The following ATP9B variants were observed in gnomAD, a reference collection of about 807,000 sequenced individuals.
ATP9B encodes the protein ATPase phospholipid transporting 9B, also known as probable phospholipid-transporting ATPase IIB.
Under a neutral mutation model 146.1 loss-of-function variants are expected in ATP9B, and 110 were observed. The observed-to-expected ratio is 0.75, with a 90% CI of 0.65 to 0.88. The LOEUF (loss-of-function observed/expected upper bound fraction) is 0.88. ATP9B is among the 40% of genes least tolerant of loss of function. The pLI is 0.00. For missense variants in ATP9B, 1,499 were observed against 1,496.4 expected, an observed-to-expected ratio of 1.00 and a Z score of -0.03; for synonymous variants, 604 against 569.7, an observed-to-expected ratio of 1.06 and a Z score of -0.86.
intron 8 of ATP9B, among the ~76,000 whole-genome samples, chr18:79,178,951 A>T (rs967535039): frequency 1.3e-5 from 2 of 152,174 alleles, no homozygotes; most frequent in Admixed American, 1.3e-4. Flanking sequence ...TATTTTTTAA[A>T]TGTTGAACAA....
intron 16 of ATP9B, 49 bp from the exon 17 acceptor site, chr18:79,329,963 C>T (rs747869728): frequency 1.8e-5 from 27 of 1,530,806 alleles, no homozygotes; most frequent in East Asian, 1.6e-4. Flanking sequence ...TTATTTGCCC[C>T]GAGCAATGCA....
At chr18:79,345,325 C>A in intron 21 of ATP9B, 103 bp from the exon 22 acceptor site, 1 of 1,292,524 alleles carries the variant, frequency 7.7e-7, no homozygotes, top group Non-Finnish European at 1.1e-6. Context: ...AGAACTGTGG[C>A]GTCTGTTGGC....
At chr18:79,142,023 A>G (rs1243324548) in intron 5 of ATP9B, among the ~76,000 whole-genome samples, 1 of 152,194 alleles carries the variant, frequency 6.6e-6, no homozygotes. Context: ...TTTCTTCAAA[A>G]TTTAGATATG....
chr18:79,094,693 A>C (rs187375847), intron 1 of ATP9B, among the ~76,000 whole-genome samples: 118 of 152,330 alleles, frequency 7.7e-4, no homozygotes, highest in Non-Finnish European at 9.4e-4. Context: ...TGCATTCTGC[A>C]TATTGTGGGC....
chr18:79,326,421 C>T (rs1430027445), intron 15 of ATP9B, among the ~76,000 whole-genome samples: 1 of 143,326 alleles, frequency 7.0e-6, no homozygotes, highest in African/African-American at 2.6e-5. Flanking sequence ...TGTACCCTCC[C>T]TCCCCTCACA....
rs2075927022 is a variant in ATP9B at position 79,110,353 on chromosome 18, A to G, written c.294-2A>G. 6.3e-7 allele frequency: 1 copy of G among 1,591,100 alleles called. No individual in the cohort carries two copies. Among genetic ancestry groups the G allele is most frequent in the African/African-American group, 1.4e-5 (1 of 73,784 alleles). The stretch of plus-strand genomic sequence containing the variant: ...ACAATACGTATCTTTTGTTTCATAC[A>G]GTTGCTGTGGTTGGCTGATAAATAT... On this transcript the variant is annotated splice_acceptor_variant, in intron 2 of 29. Coordinates refer to ENST00000426216, the MANE Select transcript of ATP9B (RefSeq NM_198531.5). LOFTEE classifies it high-confidence loss of function.
rs1163805026 is a variant in ATP9B, at chr18:79,113,297, C to T, written c.501C>T (p.Cys167=). The T allele has an allele frequency of 5.6e-6, 9 of 1,602,178 alleles. No individual in the cohort carries two copies. In the Middle Eastern group the frequency reaches 5.0e-4, roughly 89 times the overall value. ...FLNLYFLVIS[C]SQFVPALKIG... is the part of the protein sequence containing the mutation. Reference sequence around the variant, plus strand: ...ATCTCTATTTTCTAGTAATATCCTGCTCACAGTTTGTACCAGCATTGAAAA... The same window carrying T: ...ATCTCTATTTTCTAGTAATATCCTGTTCACAGTTTGTACCAGCATTGAAAA... Residue 167 remains cysteine (C), a synonymous_variant, in exon 4 of 30, where the codon TGC becomes TGT. Transcript: ENST00000426216.
At chr18:79,300,607 G>A (rs2096584380) in intron 13 of ATP9B, among the ~76,000 whole-genome samples, 1 of 152,144 alleles carries the variant, frequency 6.6e-6, no homozygotes, top group African/African-American at 2.4e-5. Flanking sequence ...GCGGGGCCGT[G>A]GACAACAGCA....
intron 25 of ATP9B, among the ~76,000 whole-genome samples, chr18:79,358,924 TCTGTGTGAGGGACC>T (rs1164707040): frequency 1.3e-5 from 2 of 149,438 alleles, no homozygotes; most frequent in Admixed American, 6.6e-5. Flanking sequence ...TCTGGAGGTG[TCTGTGTGAGGGACC>T]CTGTGTGAGG....
At chr18:79,182,364 A>G (rs1011679961) in intron 8 of ATP9B, among the ~76,000 whole-genome samples, 2 of 152,218 alleles carry the variant, frequency 1.3e-5, no homozygotes, top group Admixed American at 1.3e-4. Flanking sequence ...CAGGTGGAAC[A>G]CTTTGCATAT....
chr18:79,308,682 T>G, intron 15 of ATP9B, among the ~76,000 whole-genome samples: 6 of 112,016 alleles, frequency 5.4e-5, no homozygotes, highest in Non-Finnish European at 5.8e-5. Context: ...GGTGGTGGAG[T>G]GATCCCCAGC....
chr18:79,180,716 A>G (rs994924914), intron 8 of ATP9B, among the ~76,000 whole-genome samples: 6 of 152,256 alleles, frequency 3.9e-5, no homozygotes, highest in Middle Eastern at 6.8e-3. Context: ...ACTTCTTTCA[A>G]CGTATCTTGT....
At chr18:79,359,741 A>G (rs1431182895) in intron 26 of ATP9B, 4 of 361,334 alleles carry the variant, frequency 1.1e-5, no homozygotes, top group South Asian at 2.8e-5. Flanking sequence ...AAGATATTCT[A>G]ACCATTTGTG....
chr18:79,106,148 G>C (rs2075636195), intron 2 of ATP9B, among the ~76,000 whole-genome samples: 1 of 152,170 alleles, frequency 6.6e-6, no homozygotes, highest in South Asian at 2.1e-4. Flanking sequence ...AGCTGGACTT[G>C]ATGATGTAAG....
chr18:79,109,142 G>A (rs1380613817), intron 2 of ATP9B, among the ~76,000 whole-genome samples: 3 of 152,050 alleles, frequency 2.0e-5, no homozygotes, highest in Non-Finnish European at 4.4e-5. Context: ...TGACTTATAC[G>A]GCAGGCTTTC....
rs73488267 is a variant in ATP9B at position 79,233,079 on chromosome 18, C to T, written c.1107+19041C>T. On this transcript the variant is annotated intron_variant, in intron 11 of 29. Transcript: ENST00000426216. ...GTTCAAGGTGGGCAGATTGCTTGAG[C>T]CCACGAGATCAAGACCAGCCTGGGC... Among the ~76,000 whole-genome samples, 316 of 152,144 alleles carry T rather than the reference C, an allele frequency of 2.1e-3. 1 individual carries two copies. Among genetic ancestry groups the T allele is most frequent in the African/African-American group, 7.0e-3 (290 of 41,520 alleles).
At chr18:79,321,452 A>T (rs1235234177) in intron 15 of ATP9B, among the ~76,000 whole-genome samples, 1 of 150,434 alleles carries the variant, frequency 6.6e-6, no homozygotes, top group African/African-American at 2.5e-5. Flanking sequence ...GCACGATCTC[A>T]GCTCACTGCA....
intron 11 of ATP9B, among the ~76,000 whole-genome samples, chr18:79,231,912 A>G (rs2095797132): frequency 6.6e-6 from 1 of 152,012 alleles, no homozygotes; most frequent in Non-Finnish European, 1.5e-5. Context: ...AAGTAACTCA[A>G]GAATAGAAAA....
chr18:79,115,396 T>C (rs1371569808), intron 4 of ATP9B: 2 of 137,386 alleles, frequency 1.5e-5, no homozygotes, highest in Non-Finnish European at 3.1e-5. Context: ...CCAATGACTT[T>C]CTTCACAGAA....
Sources: allele counts gnomAD v4.1 joint callset (sites outside exome capture counted in the v4.1 genomes callset), GRCh38; gene constraint gnomAD v4.1.1; transcripts MANE v1.5; gene names NCBI Gene and HGNC (gene_info 2026-07-23, HGNC 2026-07-21).